IGF2BP1: variants seen among roughly 807,000 people sequenced by gnomAD.
The protein encoded by IGF2BP1 is insulin-like growth factor 2 mRNA-binding protein 1.
Under a neutral mutation model 74.9 loss-of-function variants are expected in IGF2BP1, and 11 were observed. The observed-to-expected ratio is 0.15, with a 90% CI of 0.09 to 0.24. IGF2BP1 has a LOEUF of 0.24. Ranked by LOEUF, IGF2BP1 falls within the 10% of genes least tolerant of loss-of-function variation. The pLI, the probability that IGF2BP1 is intolerant of heterozygous loss-of-function variation, is 1.00. For synonymous variants in IGF2BP1, 287 were observed against 281.8 expected, an observed-to-expected ratio of 1.02 and a Z score of -0.18; for missense variants, 440 against 757.4, an observed-to-expected ratio of 0.58 and a Z score of 4.92.
At chr17:49,024,102 T>TC (rs1164373167) in intron 2 of IGF2BP1, among the ~76,000 whole-genome samples, 1 of 145,028 alleles carries the variant, frequency 6.9e-6, no homozygotes, top group East Asian at 2.0e-4. Context: ...TTTTTTTTTT[T>TC]TTTTTTTTTG....
intron 14 of IGF2BP1, 66 bp downstream of exon 14, chr17:49,046,439 C>A: frequency 8.2e-7 from 1 of 1,223,400 alleles, no homozygotes; most frequent in Non-Finnish European, 1.2e-6. Context: ...AGCAGAGACT[C>A]TATAGAGGTT....
chr17:49,037,598 A>C (rs2042004707), intron 5 of IGF2BP1, among the ~76,000 whole-genome samples: 1 of 152,234 alleles, frequency 6.6e-6, no homozygotes, highest in South Asian at 2.1e-4. Context: ...AAACGAAAAT[A>C]AACCCCACAC....
intron 2 of IGF2BP1, among the ~76,000 whole-genome samples, chr17:49,005,466 C>T (rs952535038): frequency 6.6e-6 from 1 of 152,144 alleles, no homozygotes; most frequent in Admixed American, 6.5e-5. Flanking sequence ...TTCAAGACCC[C>T]TTAGGACAAG....
At chr17:49,046,455 T>A in intron 14 of IGF2BP1, 82 bp downstream of exon 14, 1 of 1,060,320 alleles carries the variant, frequency 9.4e-7, no homozygotes, top group Non-Finnish European at 1.4e-6. Context: ...AGGTTGACCT[T>A]CATGACGTTG....
chr17:49,019,759 T>C (rs951743304), intron 2 of IGF2BP1, among the ~76,000 whole-genome samples: 9 of 150,830 alleles, frequency 6.0e-5, no homozygotes, highest in Admixed American at 2.0e-4. Flanking sequence ...ATTTATTTAG[T>C]TTGAGACAGG....
chr17:49,012,226 A>G (rs2041628217), intron 2 of IGF2BP1, among the ~76,000 whole-genome samples: 1 of 152,136 alleles, frequency 6.6e-6, no homozygotes, highest in Non-Finnish European at 1.5e-5. Context: ...ATTGAGATGG[A>G]TGGGTCCAAA....
At chr17:49,016,874 C>T (rs2041711563) in intron 2 of IGF2BP1, among the ~76,000 whole-genome samples, 1 of 148,154 alleles carries the variant, frequency 6.7e-6, no homozygotes, top group Non-Finnish European at 1.5e-5. Flanking sequence ...CAGCCTGGCA[C>T]AGAGCCCTGG....
chr17:49,031,989 A>C lies in IGF2BP1; in HGVS notation c.401+16A>C, dbSNP rs770374849. Reference sequence around the variant, plus strand: ...AGACCAGGCAGTGAGTGGGCTGGGAAGTGGGGCTGGGTGCGGTGGGGGGGG... The same window carrying C: ...AGACCAGGCAGTGAGTGGGCTGGGACGTGGGGCTGGGTGCGGTGGGGGGGG... On this transcript the variant is annotated intron_variant, in intron 5 of 14. Transcript: ENST00000290341. 3.3e-5 allele frequency: 36 copies of C among 1,080,812 alleles called. No individual in the cohort carries two copies. Among genetic ancestry groups the C allele is most frequent in the Non-Finnish European group, 3.9e-5 (28 of 726,768 alleles). 67.0% of individuals were successfully genotyped at this position (1,080,812 alleles called of 1,614,324 possible).
intron 2 of IGF2BP1, among the ~76,000 whole-genome samples, chr17:49,018,533 G>A (rs2041737128): frequency 6.6e-6 from 1 of 152,000 alleles, no homozygotes; most frequent in Admixed American, 6.6e-5. Flanking sequence ...TAGGGAGTGT[G>A]CCTTTACTTT....
At chr17:49,047,516 C>T (rs543795386) in intron 14 of IGF2BP1, among the ~76,000 whole-genome samples, 1 of 151,086 alleles carries the variant, frequency 6.6e-6, no homozygotes, top group Admixed American at 6.6e-5. Context: ...TTTAATTCAG[C>T]GTTTTTTTTT....
rs545478663 is a variant in IGF2BP1 at position 49,013,218 on chromosome 17, C to A, written c.237-12400C>A. 3.5e-5 allele frequency among the ~76,000 whole-genome samples: 5 copies of A among 144,672 alleles called. No homozygotes were observed. In the East Asian group the frequency reaches 6.0e-4, roughly 17 times the overall value. The allele number at this position is 144,672 out of a possible 152,430, so 94.9% of individuals were successfully genotyped here. ...ACCCCAAAAGGGCTGAAAGGTCATT[C>A]TCACCCCCAAACAAATGTCCTACTC... On this transcript the variant is annotated intron_variant, in intron 2 of 14. Transcript: ENST00000290341.
chr17:49,029,296 CT>C (rs1253198414), intron 4 of IGF2BP1, among the ~76,000 whole-genome samples: 2 of 152,174 alleles, frequency 1.3e-5, no homozygotes, highest in African/African-American at 4.8e-5. Flanking sequence ...AGGGAGAGAC[CT>C]ACTGATGAAG....
intron 3 of IGF2BP1, 59 bp downstream of exon 3, chr17:49,025,725 T>C: frequency 6.7e-7 from 1 of 1,493,428 alleles, no homozygotes; most frequent in Non-Finnish European, 9.3e-7. Flanking sequence ...AAAGTACGTC[T>C]GGACTAGCTG....
chr17:49,043,875 C>T (rs1712808871), intron 10 of IGF2BP1, 92 bp from the exon 11 acceptor site: 12 of 1,540,898 alleles, frequency 7.8e-6, no homozygotes, highest in Non-Finnish European at 9.6e-6. Flanking sequence ...TGCCTGTACT[C>T]CTTCCTCCTT....
chr17:49,010,397 A>G (rs1226463602), intron 2 of IGF2BP1, among the ~76,000 whole-genome samples: 1 of 146,506 alleles, frequency 6.8e-6, no homozygotes, highest in Non-Finnish European at 1.5e-5. Context: ...GCTCACTGCA[A>G]GCTCCGCCTC....
chr17:48,997,973 G>A lies in IGF2BP1; in HGVS notation c.175+53G>A. On this transcript the variant is annotated intron_variant, in intron 1 of 14. Coordinates refer to ENST00000290341, the MANE Select transcript of IGF2BP1 (RefSeq NM_006546.4). This position sits in a 1 kb window ranked among gnomAD's most constrained non-coding sequence, Gnocchi z 4.8. ...GCCACAACGAGAGCCCCGAACAACGGAGACCCGCACCTTCCGGTTCCTCTC... is the reference window on the plus strand; with the variant it reads ...GCCACAACGAGAGCCCCGAACAACGAAGACCCGCACCTTCCGGTTCCTCTC... The A allele has an allele frequency of 6.3e-7, 1 of 1,582,750 alleles. No individual in the cohort carries two copies. The highest frequency in any genetic ancestry group is 8.6e-7 in the Non-Finnish European group (1 of 1,161,426).
rs1335445852 is a variant in IGF2BP1, at chr17:49,055,092, T to C, written c.*5648T>C. 1 of 151,454 alleles carries C rather than the reference T, an allele frequency of 6.6e-6. No individual in the cohort carries two copies. The highest frequency in any genetic ancestry group is 1.5e-5 in the Non-Finnish European group (1 of 67,856). 9.4% of individuals were successfully genotyped at this position (151,454 alleles called of 1,614,324 possible). On this transcript the variant is annotated 3_prime_UTR_variant, in exon 15 of 15. Coordinates refer to ENST00000290341, the MANE Select transcript of IGF2BP1 (RefSeq NM_006546.4). ...GTTAGGGGGGGAAAAAGATTTCTTT[T>C]TCCAAAGGAAAAAAATATTACCTTG...
At chr17:48,999,764 G>A (rs1424407090) in intron 2 of IGF2BP1, among the ~76,000 whole-genome samples, 1 of 151,568 alleles carries the variant, frequency 6.6e-6, no homozygotes, top group Non-Finnish European at 1.5e-5. Context: ...TCCCCAGCTG[G>A]ATTTTCCAAA....
intron 2 of IGF2BP1, among the ~76,000 whole-genome samples, chr17:49,016,061 G>A (rs2041697495): frequency 6.6e-6 from 1 of 152,226 alleles, no homozygotes; most frequent in Non-Finnish European, 1.5e-5. Flanking sequence ...AGAGCCGCAT[G>A]CAGTAAAAGC....
Sources: allele counts gnomAD v4.1 joint callset (sites outside exome capture counted in the v4.1 genomes callset), GRCh38; gene constraint gnomAD v4.1.1; non-coding constraint Gnocchi (gnomAD v3.1); transcripts MANE v1.5; gene names NCBI Gene and HGNC (gene_info 2026-07-23, HGNC 2026-07-21).